The following ARL13B variants were observed in gnomAD, a reference collection of about 807,000 sequenced individuals.
ARL13B encodes ARF like GTPase 13B.
A neutral mutation model predicts 56.1 loss-of-function variants in ARL13B; 36 were observed. That is an observed-to-expected ratio of 0.64 (90% CI 0.49 to 0.85). The LOEUF (loss-of-function observed/expected upper bound fraction) is 0.85, where lower values mean the gene tolerates loss of function less well. ARL13B is among the 40% of genes least tolerant of loss of function. The probability of loss-of-function intolerance (pLI) is 0.00; values close to 1 mark genes in which losing one functional copy is unlikely to be tolerated. For synonymous variants in ARL13B, 178 were observed against 171.1 expected, an observed-to-expected ratio of 1.04 and a Z score of -0.32; for missense variants, 519 against 507.1, an observed-to-expected ratio of 1.02 and a Z score of -0.23.
chr3:94,051,009 C>A, intron 9 of ARL13B, 117 bp downstream of exon 9: 1 of 880,976 alleles, frequency 1.1e-6, no homozygotes, highest in Non-Finnish European at 1.8e-6. Flanking sequence ...AAATCCACAG[C>A]TATCCTTTTT....
intron 2 of ARL13B, among the ~76,000 whole-genome samples, chr3:94,001,723 A>G (rs1200169245): frequency 6.6e-6 from 1 of 152,146 alleles, no homozygotes; most frequent in Non-Finnish European, 1.5e-5. Flanking sequence ...CCTGGTACCA[A>G]GGAGGTGTTT....
At chr3:93,984,442 CT>C (rs963267444) in intron 1 of ARL13B, among the ~76,000 whole-genome samples, 2 of 151,948 alleles carry the variant, frequency 1.3e-5, no homozygotes, top group Non-Finnish European at 2.9e-5. Flanking sequence ...CCATCCTCAT[CT>C]TCTTCCCATT....
chr3:94,025,290 A>G lies in ARL13B; in HGVS notation c.381-10041A>G, dbSNP rs116625783. ...CCTTTTTTTAATATCTGTATACATTATTGATATTAAAGGCAAAACATGGAA... is the reference window on the plus strand; with the variant it reads ...CCTTTTTTTAATATCTGTATACATTGTTGATATTAAAGGCAAAACATGGAA... On this transcript the variant is annotated intron_variant, in intron 3 of 9. Coordinates refer to ENST00000394222, the MANE Select transcript of ARL13B (RefSeq NM_001174150.2). Among the ~76,000 whole-genome samples, 799 of 151,608 alleles carry G rather than the reference A, an allele frequency of 5.3e-3. 4 individuals carry two copies. The highest frequency in any genetic ancestry group is 0.017 in the African/African-American group (687 of 41,526).
rs1328024390 is a variant in ARL13B, at chr3:94,050,904, G to C, written c.1210+12G>C. On this transcript the variant is annotated intron_variant, in intron 9 of 9. Transcript: ENST00000394222. Reference sequence around the variant, plus strand: ...AACACATCATAATGGTAATGCAAAAGGATTGGTTTTCAGATATCATCTGTA... The same window carrying C: ...AACACATCATAATGGTAATGCAAAACGATTGGTTTTCAGATATCATCTGTA... 3.1e-6 allele frequency: 5 copies of C among 1,611,498 alleles called. No individual in the cohort carries two copies. Among genetic ancestry groups the C allele is most frequent in the Non-Finnish European group, 3.4e-6 (4 of 1,178,616 alleles).
In ARL13B at chr3:93,999,433, T is replaced by C. The variant is rs754134536; in HGVS notation, c.130+3489T>C. Among the ~76,000 whole-genome samples, 213 of 152,118 alleles carry C rather than the reference T, an allele frequency of 1.4e-3. 1 individual carries two copies. The highest frequency in any genetic ancestry group is 2.7e-3 in the Non-Finnish European group (181 of 68,026). On this transcript the variant is annotated intron_variant, in intron 2 of 9. Transcript: ENST00000394222. ...TTTTTTTATTCACAATAGCTTTTTTTCCCTTTTTTATTTTTAATTTTGTGA... is the reference window on the plus strand; with the variant it reads ...TTTTTTTATTCACAATAGCTTTTTTCCCCTTTTTTATTTTTAATTTTGTGA...
chr3:94,008,786 T>C (rs935506508), intron 3 of ARL13B, among the ~76,000 whole-genome samples: 1 of 152,096 alleles, frequency 6.6e-6, no homozygotes, highest in African/African-American at 2.4e-5. Flanking sequence ...TCTTTTAGGG[T>C]AACAATTCTA....
At chr3:93,988,549 G>C (rs1710579229) in intron 1 of ARL13B, 1 of 313,404 alleles carries the variant, frequency 3.2e-6, no homozygotes, top group South Asian at 2.7e-5. Flanking sequence ...TAAAAGACTT[G>C]CACTTACAAA....
chr3:94,007,110 C>T (rs1322025771), intron 3 of ARL13B, among the ~76,000 whole-genome samples: 2 of 152,096 alleles, frequency 1.3e-5, no homozygotes, highest in African/African-American at 2.4e-5. Context: ...GTTGAGGTAA[C>T]GCACAGTGCC....
At chr3:94,021,317 C>G (rs2076444746) in intron 3 of ARL13B, among the ~76,000 whole-genome samples, 1 of 151,772 alleles carries the variant, frequency 6.6e-6, no homozygotes. Flanking sequence ...GCGTCAGCCT[C>G]CCGAGTTCCT....
At chr3:94,003,168 A>G (rs1238457097) in intron 2 of ARL13B, among the ~76,000 whole-genome samples, 1 of 152,306 alleles carries the variant, frequency 6.6e-6, no homozygotes, top group African/African-American at 2.4e-5. Flanking sequence ...TTTATTGTAA[A>G]TATAACTTTA....
chr3:94,041,095 C>T (rs1265800596), intron 6 of ARL13B, among the ~76,000 whole-genome samples: 1 of 151,006 alleles, frequency 6.6e-6, no homozygotes, highest in East Asian at 1.9e-4. Context: ...TTTTTTTTAA[C>T]CATACAGATT....
At chr3:93,993,105 T>G (rs551792544) in intron 1 of ARL13B, among the ~76,000 whole-genome samples, 1 of 151,290 alleles carries the variant, frequency 6.6e-6, no homozygotes, top group Non-Finnish European at 1.5e-5. Context: ...AGGCCTGACC[T>G]GGCTTGTTTT....
At chr3:94,016,450 TG>T in intron 3 of ARL13B, among the ~76,000 whole-genome samples, 1 of 152,238 alleles carries the variant, frequency 6.6e-6, no homozygotes, top group South Asian at 2.1e-4. Flanking sequence ...TTTAGTATGT[TG>T]AAGTACAGGG....
At chr3:94,045,968 GA>G (rs369419536) in intron 7 of ARL13B, among the ~76,000 whole-genome samples, 11,646 of 124,616 alleles carry the variant, frequency 0.093, 590 homozygotes, top group East Asian at 0.14. Context: ...AAAAAAAAAA[GA>G]AAAAAAAAAG....
At chr3:94,015,118 A>G (rs1348824015) in intron 3 of ARL13B, 1 of 1,613,956 alleles carries the variant, frequency 6.2e-7, no homozygotes, top group South Asian at 1.1e-5. Context: ...GATTTCATGT[A>G]GGTGTCTCTC....
chr3:94,035,294 A>G (rs970772036), intron 3 of ARL13B, 37 bp from the exon 4 acceptor site: 13 of 1,312,854 alleles, frequency 9.9e-6, no homozygotes, highest in Non-Finnish European at 1.4e-5. Context: ...ATCCAATTAT[A>G]TATATGCTGT....
intron 5 of ARL13B, among the ~76,000 whole-genome samples, chr3:94,037,947 T>C (rs1052981543): frequency 6.6e-6 from 1 of 152,118 alleles, no homozygotes; most frequent in Admixed American, 6.5e-5. Context: ...GTCTGAGACC[T>C]CTCCTCTTGA....
intron 3 of ARL13B, among the ~76,000 whole-genome samples, chr3:94,004,952 G>A (rs150694273): frequency 2.0e-5 from 3 of 151,944 alleles, no homozygotes; most frequent in African/African-American, 7.2e-5. Flanking sequence ...GTTTAAGCAG[G>A]GAATCAGTGA....
intron 6 of ARL13B, among the ~76,000 whole-genome samples, chr3:94,042,189 A>C (rs1032223803): frequency 2.6e-5 from 4 of 152,250 alleles, no homozygotes; most frequent in Non-Finnish European, 4.4e-5. Context: ...GTAAAAGGTC[A>C]ATCATGATAT....
Sources: allele counts gnomAD v4.1 joint callset (sites outside exome capture counted in the v4.1 genomes callset), GRCh38; gene constraint gnomAD v4.1.1; transcripts MANE v1.5; gene names NCBI Gene and HGNC (gene_info 2026-07-23, HGNC 2026-07-21).